GAD1: variants seen among roughly 807,000 people sequenced by gnomAD.
GAD1 encodes 67 kDa glutamic acid decarboxylase.
A neutral mutation model predicts 75.2 loss-of-function variants in GAD1; 35 were observed. That is an observed-to-expected ratio of 0.47 (90% CI 0.36 to 0.62). The LOEUF is 0.62. GAD1 is among the 20% of genes least tolerant of loss of function. The probability of loss-of-function intolerance (pLI) is 0.00; values close to 1 mark genes in which losing one functional copy is unlikely to be tolerated. For missense variants in GAD1, 490 were observed against 758.5 expected (o/e 0.65, Z 4.16); for synonymous variants, 257 against 271.9 (o/e 0.95, Z 0.54).
At chr2:170,852,988 G>C (rs963423864) in intron 13 of GAD1, 196 bp downstream of exon 13, 3 of 657,408 alleles carry the variant, frequency 4.6e-6, no homozygotes, top group South Asian at 3.4e-5. Context: ...TGGCTACTGT[G>C]CTTCTTCTTT....
chr2:170,833,632 C>T (rs976795130), intron 5 of GAD1, among the ~76,000 whole-genome samples: 2 of 152,138 alleles, frequency 1.3e-5, no homozygotes, highest in African/African-American at 4.8e-5. Flanking sequence ...CCCAGAATGG[C>T]GTTGTCCCTC....
chr2:170,849,808 G>A (rs547182938), intron 12 of GAD1, among the ~76,000 whole-genome samples: 8 of 152,256 alleles, frequency 5.3e-5, no homozygotes, highest in Non-Finnish European at 7.3e-5. Flanking sequence ...AGACTAACCA[G>A]TGAGGGGAAT....
At chr2:170,828,299 C>CTCT (rs1702088686) in intron 3 of GAD1, among the ~76,000 whole-genome samples, 1 of 144,774 alleles carries the variant, frequency 6.9e-6, no homozygotes, top group Non-Finnish European at 1.5e-5. Context: ...CCTCACCCTC[C>CTCT]TCCCTCTGCT....
intron 14 of GAD1, among the ~76,000 whole-genome samples, chr2:170,855,406 C>T (rs1435250425): frequency 6.6e-6 from 1 of 151,576 alleles, no homozygotes; most frequent in African/African-American, 2.4e-5. Flanking sequence ...CGGGGCTTCA[C>T]CATGTTGGCC....
intron 2 of GAD1, among the ~76,000 whole-genome samples, chr2:170,821,246 C>T (rs1194941566): frequency 6.6e-6 from 1 of 152,192 alleles, no homozygotes; most frequent in Non-Finnish European, 1.5e-5. Context: ...CTGCTTCCCA[C>T]GCTTCTTGCT....
At chr2:170,835,938 A>G (rs1320791864) in intron 5 of GAD1, among the ~76,000 whole-genome samples, 1 of 152,146 alleles carries the variant, frequency 6.6e-6, no homozygotes, top group Non-Finnish European at 1.5e-5. Flanking sequence ...TTTTCTAAAA[A>G]ACAGTATTAT....
chr2:170,822,953 G>A (rs1376122712), intron 3 of GAD1, among the ~76,000 whole-genome samples: 1 of 152,244 alleles, frequency 6.6e-6, no homozygotes, highest in African/African-American at 2.4e-5. Context: ...CTGGAGACAG[G>A]AGGGTCTGAA....
At chr2:170,817,706 A>T (rs45446792) in intron 1 of GAD1, 24 of 152,406 alleles carry the variant, frequency 1.6e-4, no homozygotes, top group African/African-American at 5.8e-4. Context: ...GACGTTCCCC[A>T]TGCTTACTTA....
chr2:170,842,127 T>C (rs1378936998), intron 6 of GAD1, among the ~76,000 whole-genome samples: 2 of 152,308 alleles, frequency 1.3e-5, no homozygotes, highest in East Asian at 1.9e-4. Flanking sequence ...TTCCTGGTCC[T>C]TGGGGAGGCT....
Position 170,853,072 on chromosome 2 carries a change from A to G in GAD1, c.1263+280A>G, listed in dbSNP as rs1392667260. On this transcript the variant is annotated intron_variant, in intron 13 of 16. Transcript: ENST00000358196. The surrounding 1 kb of genome is among the most constrained non-coding windows in gnomAD (Gnocchi z 4.1). ...TAATTGAGTATTCCTTCATGTTTGC[A>G]CAAAAAAAGTGGGAGCAAGTAGGTG... The G allele has an allele frequency of 6.1e-6, 3 of 493,884 alleles. No individual in the cohort carries two copies. The highest frequency in any genetic ancestry group is 1.1e-5 in the Non-Finnish European group (3 of 271,458). 30.6% of individuals were successfully genotyped at this position (493,884 alleles called of 1,614,324 possible).
chr2:170,835,934 A>G (rs912037633), intron 5 of GAD1, among the ~76,000 whole-genome samples: 5 of 152,066 alleles, frequency 3.3e-5, no homozygotes, highest in African/African-American at 1.2e-4. Context: ...AGTTTTTTCT[A>G]AAAAACAGTA....
intron 10 of GAD1, among the ~76,000 whole-genome samples, chr2:170,846,863 C>T (rs1246939300): frequency 1.3e-5 from 2 of 152,144 alleles, no homozygotes; most frequent in Non-Finnish European, 2.9e-5. Context: ...TAAAAAATAG[C>T]CAGGTGTGGT....
chr2:170,852,663 T>G (rs1430724456), intron 12 of GAD1, 51 bp from the exon 13 acceptor site: 1 of 1,486,340 alleles, frequency 6.7e-7, no homozygotes, highest in Non-Finnish European at 9.4e-7. Context: ...AGAGAACAGT[T>G]GCGTCTTTCC....
In GAD1 at chr2:170,818,430, G is replaced by A; in HGVS notation, c.-63-99G>A. 1 of 717,448 alleles carries A rather than the reference G, an allele frequency of 1.4e-6. No homozygotes were observed. 44.4% of individuals were successfully genotyped at this position (717,448 alleles called of 1,614,324 possible). A position where few individuals can be genotyped will look rare whatever the true frequency, so the allele number is the denominator to read the frequency against. On this transcript the variant is annotated intron_variant, in intron 1 of 16. Transcript: ENST00000358196. This position sits in a 1 kb window ranked among gnomAD's most constrained non-coding sequence, Gnocchi z 5.9. ...TCCTCCCTCTTGTCTCTCCAGAGCC[G>A]GATCTTCAAGGGGAGCCTCCGTGCC...
intron 12 of GAD1, among the ~76,000 whole-genome samples, chr2:170,851,618 C>A (rs1482530019): frequency 6.6e-6 from 1 of 152,134 alleles, no homozygotes; most frequent in East Asian, 1.9e-4. Context: ...TGATTCTGAG[C>A]CAATTGCTCT....
At chr2:170,827,190 C>T (rs898247792) in intron 3 of GAD1, among the ~76,000 whole-genome samples, 7 of 152,196 alleles carry the variant, frequency 4.6e-5, no homozygotes, top group African/African-American at 1.4e-4. Context: ...CCCATGCATC[C>T]CCCCTTCTCC....
At position 170,855,098 on chromosome 2, in the gene GAD1, TCTAA is replaced by T. The variant is rs200100363; in HGVS notation, c.1413+1082_1413+1085del. Among the ~76,000 whole-genome samples, 1,276 of 152,018 alleles carry T rather than the reference TCTAA, an allele frequency of 8.4e-3. 16 individuals are homozygous for T. Among genetic ancestry groups the T allele is most frequent in the African/African-American group, 0.028 (1,167 of 41,304 alleles). On this transcript the variant is annotated intron_variant, in intron 14 of 16. Coordinates refer to ENST00000358196, the MANE Select transcript of GAD1 (RefSeq NM_000817.3). ...CTATGTTTAAGATTGAGTCTAACTG[TCTAA>T]CTAACACTCAAACAACAAGATTTTC... is the stretch of plus-strand genomic sequence containing the variant.
intron 2 of GAD1, among the ~76,000 whole-genome samples, chr2:170,820,077 A>G (rs1017212817): frequency 6.6e-6 from 1 of 151,964 alleles, no homozygotes; most frequent in Non-Finnish European, 1.5e-5. Context: ...GGCGGGAGGA[A>G]CGCGAGGCCT....
At chr2:170,814,750 G>A (rs1412957295), upstream of GAD1, among the ~76,000 whole-genome samples, 4 of 152,196 alleles carry the variant, frequency 2.6e-5, no homozygotes, top group Non-Finnish European at 5.9e-5. Flanking sequence ...GGATGTCCTC[G>A]AAGCTGGACG....
Sources: allele counts gnomAD v4.1 joint callset (sites outside exome capture counted in the v4.1 genomes callset), GRCh38; gene constraint gnomAD v4.1.1; non-coding constraint Gnocchi (gnomAD v3.1); transcripts MANE v1.5; gene names NCBI Gene and HGNC (gene_info 2026-07-23, HGNC 2026-07-21).